CRACR2A: variants seen among roughly 807,000 people sequenced by gnomAD.
CRACR2A encodes the protein calcium release activated channel regulator 2A.
CRACR2A carries 79 observed loss-of-function variants against 90.5 expected under a neutral mutation model. That is an observed-to-expected ratio of 0.87 (90% CI 0.73 to 1.05). CRACR2A has a LOEUF of 1.05. Among genes scored for constraint, CRACR2A ranks in the 50% least tolerant of loss-of-function variants. The pLI is 0.00. For synonymous variants in CRACR2A, 338 were observed against 356.7 expected, an observed-to-expected ratio of 0.95 and a Z score of 0.59; for missense variants, 823 against 897.2, an observed-to-expected ratio of 0.92 and a Z score of 1.06.
intron 17 of CRACR2A, among the ~76,000 whole-genome samples, chr12:3,625,856 G>A (rs952105589): frequency 4.0e-5 from 6 of 151,786 alleles, no homozygotes; most frequent in African/African-American, 1.2e-4. Flanking sequence ...CCCTCCTGGT[G>A]CTTAACTTCT....
chr12:3,630,006 C>T (rs376806240), intron 15 of CRACR2A, among the ~76,000 whole-genome samples: 1 of 152,062 alleles, frequency 6.6e-6, no homozygotes, highest in Non-Finnish European at 1.5e-5. Context: ...TCAGGAGACC[C>T]GTGTTGTGCG....
intron 1 of CRACR2A, among the ~76,000 whole-genome samples, chr12:3,745,143 A>G (rs961990053): frequency 2.6e-5 from 4 of 152,144 alleles, no homozygotes; most frequent in Non-Finnish European, 5.9e-5. Context: ...CTGTGAGTCA[A>G]GATCTCCATC....
intron 2 of CRACR2A, among the ~76,000 whole-genome samples, chr12:3,720,758 A>T (rs551582452): frequency 7.2e-5 from 11 of 152,352 alleles, no homozygotes; most frequent in African/African-American, 2.4e-4. Context: ...ATCTAACCAG[A>T]GTATTTTAGA....
intron 4 of CRACR2A, among the ~76,000 whole-genome samples, chr12:3,684,225 C>A (rs1467728768): frequency 6.6e-6 from 1 of 152,196 alleles, no homozygotes; most frequent in Admixed American, 6.5e-5. Context: ...TCTTTTCAGA[C>A]CCCCATTCCA....
chr12:3,735,057 A>C (rs1464512007), intron 1 of CRACR2A, among the ~76,000 whole-genome samples: 1 of 147,496 alleles, frequency 6.8e-6, no homozygotes, highest in African/African-American at 2.6e-5. Flanking sequence ...TGGGGTGATG[A>C]ATGTATTAAC....
chr12:3,669,843 G>C (rs1417241160), intron 7 of CRACR2A, among the ~76,000 whole-genome samples: 1 of 152,038 alleles, frequency 6.6e-6, no homozygotes, highest in East Asian at 1.9e-4. Context: ...TGGGAGGCTG[G>C]GGACAGGGAG....
At chr12:3,709,763 C>T (rs1410648490) in intron 3 of CRACR2A, among the ~76,000 whole-genome samples, 1 of 152,112 alleles carries the variant, frequency 6.6e-6, no homozygotes, top group Non-Finnish European at 1.5e-5. Flanking sequence ...GGCGACAGAG[C>T]GAGACTCCGT....
chr12:3,658,552 G>A (rs1003284608), intron 8 of CRACR2A, among the ~76,000 whole-genome samples: 3 of 152,184 alleles, frequency 2.0e-5, no homozygotes, highest in Admixed American at 6.5e-5. Flanking sequence ...AGCCTCCAGA[G>A]GGCGCTAATT....
intron 4 of CRACR2A, among the ~76,000 whole-genome samples, chr12:3,685,489 A>G (rs1025485589): frequency 6.6e-6 from 1 of 152,266 alleles, no homozygotes; most frequent in Non-Finnish European, 1.5e-5. Context: ...CTACCCAAGT[A>G]TCTACTGACA....
At chr12:3,663,403 G>C (rs1356076117) in intron 7 of CRACR2A, among the ~76,000 whole-genome samples, 1 of 152,190 alleles carries the variant, frequency 6.6e-6, no homozygotes, top group Non-Finnish European at 1.5e-5. Context: ...CAGAGAACTT[G>C]CTGTTTCTCT....
chr12:3,651,898 G>A (rs1222330172), intron 10 of CRACR2A, among the ~76,000 whole-genome samples: 1 of 152,144 alleles, frequency 6.6e-6, no homozygotes, highest in African/African-American at 2.4e-5. Context: ...TCCATCTGCC[G>A]GTCTGCAACC....
chr12:3,700,107 C>T (rs1274124351), intron 3 of CRACR2A, among the ~76,000 whole-genome samples: 1 of 152,130 alleles, frequency 6.6e-6, no homozygotes. Context: ...AGTGAAGCCC[C>T]TACCGAACAG....
rs1724718588 is a variant in CRACR2A at position 3,619,345 on chromosome 12, G to C, written c.1960C>G (p.Leu654Val). 6.4e-7 allele frequency: 1 copy of C among 1,551,568 alleles called. No homozygotes were observed. Among genetic ancestry groups the C allele is most frequent in the Non-Finnish European group, 8.7e-7 (1 of 1,146,994 alleles). Residue 654 changes from leucine to valine, a missense_variant, in exon 18 of 20, where the codon CTT becomes GTT. Physicochemically the swap from Leu to Val is conservative, Grantham distance 32. Coordinates refer to ENST00000440314, the MANE Select transcript of CRACR2A (RefSeq NM_001144958.2). Reference protein sequence around the residue: ...EEAVGDRVPVLLLGNKLDNEK... With the variant: ...EEAVGDRVPVVLLGNKLDNEK... ...TTGTCAAGCTTATTACCCAGCAGAA[G>C]AACAGGCACCCGGTCTCCCACAGCT...
At chr12:3,690,959 T>C (rs1475974241) in intron 4 of CRACR2A, among the ~76,000 whole-genome samples, 1 of 152,206 alleles carries the variant, frequency 6.6e-6, no homozygotes, top group Non-Finnish European at 1.5e-5. Context: ...TTGTCTGAAA[T>C]CAGGATTGCA....
chr12:3,726,206 A>C (rs1364306453), intron 2 of CRACR2A: 2 of 144,964 alleles, frequency 1.4e-5, no homozygotes, highest in African/African-American at 5.1e-5. Flanking sequence ...TTTTATATAT[A>C]TACGTATATA....
At chr12:3,743,113 A>G (rs1253975903) in intron 1 of CRACR2A, among the ~76,000 whole-genome samples, 1 of 152,250 alleles carries the variant, frequency 6.6e-6, no homozygotes, top group African/African-American at 2.4e-5. Flanking sequence ...GCTATTGAGT[A>G]CAAATTAGAA....
intron 10 of CRACR2A, among the ~76,000 whole-genome samples, chr12:3,649,949 C>G (rs1206085180): frequency 6.6e-6 from 1 of 152,158 alleles, no homozygotes; most frequent in Non-Finnish European, 1.5e-5. Context: ...AAAATAAGCA[C>G]TTAGGTGATA....
At chr12:3,676,450 T>C (rs537269922) in intron 6 of CRACR2A, among the ~76,000 whole-genome samples, 24 of 152,348 alleles carry the variant, frequency 1.6e-4, no homozygotes, top group Non-Finnish European at 3.1e-4. Context: ...TACAAATTCA[T>C]ATGTTTAAAT....
intron 4 of CRACR2A, among the ~76,000 whole-genome samples, chr12:3,688,973 G>A (rs953133547): frequency 6.6e-6 from 1 of 152,106 alleles, no homozygotes; most frequent in African/African-American, 2.4e-5. Context: ...ATTGTGAATG[G>A]GAATATCTTC....
Sources: gnomAD v4.1 joint callset for allele counts (sites outside exome capture counted in the v4.1 genomes callset) on GRCh38, gnomAD v4.1.1 for gene constraint, MANE v1.5 for transcripts, NCBI Gene and HGNC (gene_info 2026-07-23, HGNC 2026-07-21) for gene names.